The following GRID2 variants were observed in gnomAD, a reference collection of about 807,000 sequenced individuals.
GRID2 encodes glutamate ionotropic receptor delta type subunit 2, also known as glutamate receptor ionotropic, delta-2.
A neutral mutation model predicts 114.8 loss-of-function variants in GRID2; 33 were observed. The observed-to-expected ratio is 0.29, with a 90% confidence interval of 0.22 to 0.38. The LOEUF (loss-of-function observed/expected upper bound fraction) is 0.38. Ranked by LOEUF, GRID2 falls within the 10% of genes least tolerant of loss-of-function variation. GRID2 has a pLI of 1.00. For missense variants in GRID2, 1,184 were observed against 1,257.7 expected (o/e 0.94, Z 0.89); for synonymous variants, 505 against 449.9 (o/e 1.12, Z -1.55).
At chr4:92,541,744 T>A (rs1370233474) in intron 1 of GRID2, among the ~76,000 whole-genome samples, 2 of 152,020 alleles carry the variant, frequency 1.3e-5, no homozygotes, top group Non-Finnish European at 2.9e-5. Context: ...TTTGCATCCA[T>A]GTAGAGGGTG....
At chr4:92,905,176 T>C (rs1212254494) in intron 2 of GRID2, among the ~76,000 whole-genome samples, 1 of 152,010 alleles carries the variant, frequency 6.6e-6, no homozygotes, top group East Asian at 1.9e-4. Context: ...CTGACGATCA[T>C]ATATTAGATG....
At chr4:93,759,953 A>G (rs1308143263) in intron 14 of GRID2, among the ~76,000 whole-genome samples, 1 of 152,224 alleles carries the variant, frequency 6.6e-6, no homozygotes, top group Non-Finnish European at 1.5e-5. Context: ...AAAAAAGCAC[A>G]GAAGCCAGAA....
chr4:92,386,937 C>T (rs1387950729), intron 1 of GRID2, among the ~76,000 whole-genome samples: 3 of 151,838 alleles, frequency 2.0e-5, no homozygotes, highest in Non-Finnish European at 2.9e-5. Flanking sequence ...TAATTTGGTA[C>T]TGATGATAAT....
intron 2 of GRID2, among the ~76,000 whole-genome samples, chr4:92,618,641 GC>G (rs1403403250): frequency 1.3e-5 from 2 of 151,776 alleles, no homozygotes; most frequent in East Asian, 3.9e-4. Context: ...AGTATGGGAT[GC>G]TTTTCCATTT....
intron 1 of GRID2, among the ~76,000 whole-genome samples, chr4:92,488,051 G>C (rs185103676): frequency 6.6e-6 from 1 of 151,974 alleles, no homozygotes; most frequent in Non-Finnish European, 1.5e-5. Flanking sequence ...CAACTGTGTC[G>C]ATTCTGTTGA....
In GRID2 at chr4:92,725,646, G is replaced by A. The variant is rs184700220; in HGVS notation, c.244+135360G>A. Among the ~76,000 whole-genome samples, 31 of 152,180 alleles carry A rather than the reference G, an allele frequency of 2.0e-4. 1 individual carries two copies. The South Asian group carries it at 5.8e-3, about 28-fold the overall frequency. ...AGGAATCTTGGGAGATGTTCGTATCGTCTAAGGTGCCATAAAGCCAAGGAA... is the reference window on the plus strand; with the variant it reads ...AGGAATCTTGGGAGATGTTCGTATCATCTAAGGTGCCATAAAGCCAAGGAA... On this transcript the variant is annotated intron_variant, in intron 2 of 15. Transcript: ENST00000282020.
intron 2 of GRID2, among the ~76,000 whole-genome samples, chr4:92,679,962 G>A (rs943225750): frequency 6.6e-6 from 1 of 151,878 alleles, no homozygotes; most frequent in Non-Finnish European, 1.5e-5. Flanking sequence ...TTGCAGGGAT[G>A]GAGGGTTCAC....
chr4:92,841,415 A>T (rs1218633502), intron 2 of GRID2, among the ~76,000 whole-genome samples: 1 of 152,088 alleles, frequency 6.6e-6, no homozygotes, highest in African/African-American at 2.4e-5. Context: ...TTACAAGCTT[A>T]TTTGAGGAGC....
intron 2 of GRID2, among the ~76,000 whole-genome samples, chr4:92,988,600 G>A (rs1408914561): frequency 1.3e-5 from 2 of 151,980 alleles, no homozygotes; most frequent in Non-Finnish European, 2.9e-5. Flanking sequence ...CCTACAGGCT[G>A]CTTATCATGG....
At position 92,608,628 on chromosome 4, in the gene GRID2, C is replaced by T. The variant is rs150865158; in HGVS notation, c.244+18342C>T. Among the ~76,000 whole-genome samples the T allele has an allele frequency of 5.0e-4, 76 of 151,886 alleles. No homozygotes were observed. In the East Asian group the frequency reaches 0.011, roughly 23 times the overall value. On this transcript the variant is annotated intron_variant, in intron 2 of 15. Transcript: ENST00000282020. ...ACTCAGAGTGTCATGGTGCTGTGCT[C>T]TTACATGAAAACATGGATGGTTTCC...
chr4:93,316,331 A>AGAAAGAAAGAAG, intron 8 of GRID2, among the ~76,000 whole-genome samples: 1 of 47,878 alleles, frequency 2.1e-5, no homozygotes. Context: ...AAAGAAAGAA[A>AGAAAGAAAGAAG]GAAAGAAAGA....
intron 2 of GRID2, among the ~76,000 whole-genome samples, chr4:92,642,946 G>C (rs111643649): frequency 0.015 from 2,312 of 151,616 alleles, 60 homozygotes; most frequent in African/African-American, 0.052. Context: ...TTCTTATTCT[G>C]ATCTATTGAT....
At chr4:93,559,419 G>T (rs1183934718) in intron 13 of GRID2, among the ~76,000 whole-genome samples, 2 of 152,004 alleles carry the variant, frequency 1.3e-5, no homozygotes, top group African/African-American at 4.8e-5. Flanking sequence ...GTAGGTAAAG[G>T]ATATGAACAG....
intron 1 of GRID2, among the ~76,000 whole-genome samples, chr4:92,391,902 A>G (rs1180072385): frequency 6.6e-6 from 1 of 152,190 alleles, no homozygotes; most frequent in Non-Finnish European, 1.5e-5. Context: ...AGACTCCCAC[A>G]CTGGTGTCTG....
Position 92,566,347 on chromosome 4 carries a change from C to G in GRID2, c.89-23784C>G, listed in dbSNP as rs532158969. Among the ~76,000 whole-genome samples the G allele has an allele frequency of 1.3e-3, 199 of 151,866 alleles. 1 individual carries two copies. Among genetic ancestry groups the G allele is most frequent in the African/African-American group, 4.8e-3 (197 of 41,444 alleles). On this transcript the variant is annotated intron_variant, in intron 1 of 15. Transcript: ENST00000282020. Reference sequence around the variant, plus strand: ...ATTATTCTGCATAGCACGTAACTATCTAATTGCATTTAGAGAAATAAAATA... The same window carrying G: ...ATTATTCTGCATAGCACGTAACTATGTAATTGCATTTAGAGAAATAAAATA...
At position 92,376,249 on chromosome 4, in the gene GRID2, G is replaced by T. The variant is rs970141252; in HGVS notation, c.88+71505G>T. Among the ~76,000 whole-genome samples, 4 of 152,036 alleles carry T rather than the reference G, an allele frequency of 2.6e-5. No homozygotes were observed. In the South Asian group the frequency reaches 6.2e-4, roughly 24 times the overall value. On this transcript the variant is annotated intron_variant, in intron 1 of 15. Coordinates refer to ENST00000282020, the MANE Select transcript of GRID2 (RefSeq NM_001510.4). ...GGCATGAACCCGGGAGGCAGAGGTT[G>T]CAGTGAGCCAAAATTGCACCACTGC...
chr4:93,193,429 A>C (rs903173930), intron 4 of GRID2, among the ~76,000 whole-genome samples: 1 of 152,048 alleles, frequency 6.6e-6, no homozygotes, highest in Admixed American at 6.6e-5. Flanking sequence ...ATAGTGAGTG[A>C]GTTCTTACGA....
intron 10 of GRID2, among the ~76,000 whole-genome samples, chr4:93,453,359 A>AGAGAGAGAGAGAGAGAGT (rs1284889245): frequency 5.8e-5 from 7 of 121,176 alleles, no homozygotes; most frequent in Admixed American, 8.0e-5. Flanking sequence ...AGAGAGAGAG[A>AGAGAGAGAGAGAGAGAGT]GTGTGTGTAT....
intron 1 of GRID2, among the ~76,000 whole-genome samples, chr4:92,524,648 A>G (rs75190770): frequency 0.011 from 1,658 of 152,000 alleles, 26 homozygotes; most frequent in African/African-American, 0.038. Flanking sequence ...AACAAACTTA[A>G]TTCCGTCTAC....
Sources: gnomAD v4.1 joint callset for allele counts (sites outside exome capture counted in the v4.1 genomes callset) on GRCh38, gnomAD v4.1.1 for gene constraint, MANE v1.5 for transcripts, NCBI Gene and HGNC (gene_info 2026-07-23, HGNC 2026-07-21) for gene names.